The following UPK1B variants were observed in gnomAD, a reference collection of about 807,000 sequenced individuals.
The protein encoded by UPK1B is uroplakin 1B.
Under a neutral mutation model 34.2 loss-of-function variants are expected in UPK1B, and 28 were observed. That is an observed-to-expected ratio of 0.82 (90% CI 0.61 to 1.12). The LOEUF (loss-of-function observed/expected upper bound fraction) is 1.12. Among genes scored for constraint, UPK1B ranks in the 50% most tolerant of loss-of-function variants. The pLI, the probability that UPK1B is intolerant of heterozygous loss-of-function variation, is 0.00. For synonymous variants in UPK1B, 81 were observed against 110.4 expected (o/e 0.73, Z 1.67); for missense variants, 325 against 320.9 (o/e 1.01, Z -0.10).
chr3:119,190,129 C>A, intron 3 of UPK1B, 116 bp from the exon 4 acceptor site: 1 of 786,666 alleles, frequency 1.3e-6, no homozygotes, highest in Non-Finnish European at 2.1e-6. Flanking sequence ...TGTTGAATAA[C>A]TACATGAGTG....
At chr3:119,186,569 C>T (rs1191380269) in intron 1 of UPK1B, 145 bp from the exon 2 acceptor site, 7 of 614,542 alleles carry the variant, frequency 1.1e-5, no homozygotes, top group East Asian at 8.4e-5. Context: ...ATGTGATTAC[C>T]AAGCTCAATA....
rs1003767592 is a variant in UPK1B at position 119,205,142 on chromosome 3, T to C, written c.*1175T>C. The C allele has an allele frequency of 1.3e-5, 2 of 152,248 alleles. No homozygotes were observed. The highest frequency in any genetic ancestry group is 4.8e-5 in the African/African-American group (2 of 41,464). The allele number at this position is 152,248 out of a possible 1,614,324, so 9.4% of individuals were successfully genotyped here. A position where few individuals can be genotyped will look rare whatever the true frequency, so the allele number is the denominator to read the frequency against. On this transcript the variant is annotated 3_prime_UTR_variant, in exon 8 of 8. Coordinates refer to ENST00000264234, the MANE Select transcript of UPK1B (RefSeq NM_006952.4). ...TATAAGTAAAGACAGCTTTAAAATC[T>C]GTTCACTTTCATTTTTACCAATGTC... is the stretch of plus-strand genomic sequence containing the variant.
In UPK1B at chr3:119,186,725, T is replaced by G. The variant is rs201246172; in HGVS notation, c.-17T>G. 4 of 1,613,956 alleles carry G rather than the reference T, an allele frequency of 2.5e-6. No homozygotes were observed. The African/African-American group carries it at 4.0e-5, about 16-fold the overall frequency. Reference sequence around the variant, plus strand: ...AATGCTTTCAACAGTGCCTTCAGCTTGTGGGAAATCCCGAAGATGGCCAAA... The same window carrying G: ...AATGCTTTCAACAGTGCCTTCAGCTGGTGGGAAATCCCGAAGATGGCCAAA... On this transcript the variant is annotated 5_prime_UTR_variant, in exon 2 of 8. Transcript: ENST00000264234.
intron 1 of UPK1B, among the ~76,000 whole-genome samples, chr3:119,175,120 C>G (rs376433985): frequency 1.5e-5 from 2 of 136,478 alleles, no homozygotes; most frequent in African/African-American, 2.7e-5. Context: ...CTCTGCCTCC[C>G]GGGTAGATGC....
At chr3:119,187,725 C>CT in intron 2 of UPK1B, 50 bp from the exon 3 acceptor site, 2 of 1,591,070 alleles carry the variant, frequency 1.3e-6, no homozygotes, top group Non-Finnish European at 1.7e-6. Flanking sequence ...CCTCCACCCC[C>CT]TTTCCCAAAG....
chr3:119,195,652 G>C (rs2078063442), intron 6 of UPK1B, among the ~76,000 whole-genome samples: 1 of 152,118 alleles, frequency 6.6e-6, no homozygotes, highest in African/African-American at 2.4e-5. Context: ...ACTATAAAAG[G>C]CTTTTGATAT....
intron 1 of UPK1B, among the ~76,000 whole-genome samples, chr3:119,179,769 A>G (rs2077980387): frequency 8.7e-6 from 1 of 114,702 alleles, no homozygotes; most frequent in Non-Finnish European, 1.7e-5. Flanking sequence ...GGCCTCCCAG[A>G]GTGCGGGGAT....
At chr3:119,203,589 A>T (rs1485395456) in intron 7 of UPK1B, among the ~76,000 whole-genome samples, 1 of 152,090 alleles carries the variant, frequency 6.6e-6, no homozygotes, top group Admixed American at 6.5e-5. Context: ...CATAAGTGGG[A>T]GTTGAACAAT....
intron 1 of UPK1B, among the ~76,000 whole-genome samples, chr3:119,182,729 G>T (rs1260928409): frequency 6.6e-6 from 1 of 152,172 alleles, no homozygotes; most frequent in Non-Finnish European, 1.5e-5. Flanking sequence ...TGACATCTGT[G>T]GCCATTTGGG....
intron 6 of UPK1B, among the ~76,000 whole-genome samples, chr3:119,194,875 T>G (rs1165971534): frequency 1.3e-5 from 2 of 152,212 alleles, no homozygotes; most frequent in Admixed American, 6.5e-5. Context: ...ATTAGGTTGG[T>G]GATTTGGATG....
chr3:119,198,807 CT>C (rs2078078075), intron 6 of UPK1B, among the ~76,000 whole-genome samples: 1 of 152,116 alleles, frequency 6.6e-6, no homozygotes, highest in Non-Finnish European at 1.5e-5. Context: ...AATAGCAGTA[CT>C]TTTTAGTGAG....
At chr3:119,196,995 C>A (rs1295244815) in intron 6 of UPK1B, among the ~76,000 whole-genome samples, 1 of 149,634 alleles carries the variant, frequency 6.7e-6, no homozygotes, top group Non-Finnish European at 1.5e-5. Flanking sequence ...GCATGTACCA[C>A]CAGGCCTGGC....
intron 4 of UPK1B, among the ~76,000 whole-genome samples, chr3:119,190,683 G>A (rs148120726): frequency 1.3e-5 from 2 of 152,304 alleles, no homozygotes; most frequent in African/African-American, 4.8e-5. Context: ...TTCTACCTCA[G>A]CTAAGACGTG....
In UPK1B at chr3:119,194,121, C is replaced by T. The variant is rs984016016; in HGVS notation, c.469-98C>T. ...CTTAGTAAATGTAAGATATGGTACA[C>T]TTTCCGTATCTTCTTTCTCTATAAA... On this transcript the variant is annotated intron_variant, in intron 5 of 7. Transcript: ENST00000264234. 4.2e-6 allele frequency: 5 copies of T among 1,201,326 alleles called. No homozygotes were observed. The Admixed American group carries it at 7.3e-5, about 17-fold the overall frequency. The allele number at this position is 1,201,326 out of a possible 1,614,324, so 74.4% of individuals were successfully genotyped here.
chr3:119,193,382 C>T (rs1258016743), intron 5 of UPK1B, among the ~76,000 whole-genome samples: 1 of 152,210 alleles, frequency 6.6e-6, no homozygotes, highest in African/African-American at 2.4e-5. Context: ...TGAATACATT[C>T]ATTCTAAAAG....
At chr3:119,202,638 A>G (rs1170351132) in intron 7 of UPK1B, among the ~76,000 whole-genome samples, 1 of 152,222 alleles carries the variant, frequency 6.6e-6, no homozygotes, top group African/African-American at 2.4e-5. Context: ...CAGATCTAAA[A>G]CAGAGCCCAA....
chr3:119,196,536 T>C (rs1318664611), intron 6 of UPK1B, among the ~76,000 whole-genome samples: 1 of 20,724 alleles, frequency 4.8e-5, no homozygotes, highest in Non-Finnish European at 9.1e-5. Context: ...TTTCTTTTTC[T>C]TTTTTTTTTT....
chr3:119,179,386 TATATATATATATTA>T lies in UPK1B; in HGVS notation c.-29+5751_-29+5764del, dbSNP rs1346791829. Among the ~76,000 whole-genome samples, 8 of 88,232 alleles carry T rather than the reference TATATATATATATTA, an allele frequency of 9.1e-5. 1 individual carries two copies. Among genetic ancestry groups the T allele is most frequent in the Admixed American group, 7.5e-4 (7 of 9,362 alleles). The allele number at this position is 88,232 out of a possible 152,430, so 57.9% of individuals were successfully genotyped here. A position where few individuals can be genotyped will look rare whatever the true frequency, so the allele number is the denominator to read the frequency against. ...ATATATATATATATATATATATATA[TATATATATATATTA>T]ATTCTAAGGAATTAACCTATGTGAT... On this transcript the variant is annotated intron_variant, in intron 1 of 7. Transcript: ENST00000264234.
At chr3:119,203,455 G>GCTGC (rs2078103342) in intron 7 of UPK1B, among the ~76,000 whole-genome samples, 1 of 151,412 alleles carries the variant, frequency 6.6e-6, no homozygotes, top group Admixed American at 6.6e-5. Context: ...GCACACTATG[G>GCTGC]AATACTATGC....
Sources: gnomAD v4.1 joint callset for allele counts (sites outside exome capture counted in the v4.1 genomes callset) on GRCh38, gnomAD v4.1.1 for gene constraint, MANE v1.5 for transcripts, NCBI Gene and HGNC (gene_info 2026-07-23, HGNC 2026-07-21) for gene names.